ARID3B: variants seen among roughly 807,000 people sequenced by gnomAD.
The protein encoded by ARID3B is AT-rich interaction domain 3B, also known as AT-rich interactive domain-containing protein 3B.
A neutral mutation model predicts 51.9 loss-of-function variants in ARID3B; 10 were observed. The observed-to-expected ratio is 0.19, with a 90% CI of 0.12 to 0.33. The LOEUF (loss-of-function observed/expected upper bound fraction) is 0.33, where lower values mean the gene tolerates loss of function less well. Among genes scored for constraint, ARID3B ranks in the 10% least tolerant of loss-of-function variants. The pLI, the probability that ARID3B is intolerant of heterozygous loss-of-function variation, is 1.00. For missense variants in ARID3B, 483 were observed against 716.3 expected, an observed-to-expected ratio of 0.67 and a Z score of 3.72; for synonymous variants, 205 against 279.5, an observed-to-expected ratio of 0.73 and a Z score of 2.66.
chr15:74,571,821 T>G (rs1053081902), intron 2 of ARID3B, among the ~76,000 whole-genome samples: 1 of 152,076 alleles, frequency 6.6e-6, no homozygotes, highest in Non-Finnish European at 1.5e-5. Flanking sequence ...TTACTGGACT[T>G]GGCTGGGCGC....
chr15:74,572,965 G>T (rs202037846), intron 3 of ARID3B, 32 bp downstream of exon 3: 9 of 1,611,506 alleles, frequency 5.6e-6, no homozygotes, highest in East Asian at 4.5e-5. Flanking sequence ...ATACAGATAG[G>T]GGCAGTTCTG....
intron 2 of ARID3B, among the ~76,000 whole-genome samples, chr15:74,569,452 T>G (rs2061711732): frequency 6.6e-6 from 1 of 152,120 alleles, no homozygotes; most frequent in African/African-American, 2.4e-5. Flanking sequence ...CCGGGCGTAC[T>G]GGCATGTACC....
At chr15:74,570,692 T>C (rs947961490) in intron 2 of ARID3B, among the ~76,000 whole-genome samples, 2 of 152,132 alleles carry the variant, frequency 1.3e-5, no homozygotes, top group African/African-American at 4.8e-5. Flanking sequence ...CCAGCAGGAA[T>C]TACTGGCTCA....
intron 4 of ARID3B, among the ~76,000 whole-genome samples, chr15:74,588,552 C>G (rs996516269): frequency 6.6e-6 from 1 of 152,154 alleles, no homozygotes; most frequent in Non-Finnish European, 1.5e-5. Context: ...AGTTTGCCAT[C>G]AAAAGGCAAC....
At chr15:74,569,562 A>G (rs1289048384) in intron 2 of ARID3B, among the ~76,000 whole-genome samples, 1 of 152,172 alleles carries the variant, frequency 6.6e-6, no homozygotes, top group Non-Finnish European at 1.5e-5. Flanking sequence ...ACTCCAGCCT[A>G]CAAGAAAGAG....
chr15:74,549,907 C>G (rs1335986722), intron 2 of ARID3B, among the ~76,000 whole-genome samples: 3 of 152,182 alleles, frequency 2.0e-5, no homozygotes, highest in Non-Finnish European at 4.4e-5. Flanking sequence ...ACGCACTGGA[C>G]AGCCCCCCAA....
chr15:74,591,725 A>C lies in ARID3B; in HGVS notation c.1331A>C (p.Glu444Ala), dbSNP rs952769956. ...AEKKASRLSE[E>A]EQRLVQQAFQ... ...AAGAAGGCATCGAGGCTGTCTGAGG[A>C]GGAGCAGCGCCTGGTGCAGCAGGCC... is the stretch of plus-strand genomic sequence containing the variant. The change falls in exon 7 of 9, where the codon GAG (glutamate) becomes GCG (alanine). Residue 444 changes from glutamate to alanine, a missense_variant. Physicochemically the swap from Glu to Ala is moderately radical, Grantham distance 107. Transcript: ENST00000346246. The surrounding 1 kb of genome is among the most constrained non-coding windows in gnomAD (Gnocchi z 5.8). The C allele has an allele frequency of 6.2e-7, 1 of 1,614,154 alleles. No individual in the cohort carries two copies. The highest frequency in any genetic ancestry group is 8.5e-7 in the Non-Finnish European group (1 of 1,180,020).
chr15:74,550,008 G>A (rs992507871), intron 2 of ARID3B, among the ~76,000 whole-genome samples: 4 of 152,218 alleles, frequency 2.6e-5, no homozygotes, highest in East Asian at 3.8e-4. Flanking sequence ...CATAAGCTTC[G>A]CTATCATCAG....
chr15:74,546,291 C>CTGAGTTCCATACTCAGCTATGA (rs2061615402), intron 2 of ARID3B, among the ~76,000 whole-genome samples: 1 of 151,564 alleles, frequency 6.6e-6, no homozygotes, highest in South Asian at 2.1e-4. Context: ...CCATACCGGC[C>CTGAGTTCCATACTCAGCTATGA]GCTGAGTCAG....
At chr15:74,573,443 CTCT>C in intron 4 of ARID3B, 1 of 550,750 alleles carries the variant, frequency 1.8e-6, no homozygotes, top group South Asian at 2.1e-5. Flanking sequence ...CTGATTTTGT[CTCT>C]TCTTCCAATT....
intron 7 of ARID3B, 134 bp from the exon 8 acceptor site, chr15:74,593,004 A>G (rs2061809448): frequency 1.5e-6 from 1 of 671,830 alleles, no homozygotes; most frequent in Non-Finnish European, 2.5e-6. Context: ...CATACCCTAC[A>G]CTCAGGAGAA....
At chr15:74,581,544 C>G (rs1416032772) in intron 4 of ARID3B, among the ~76,000 whole-genome samples, 1 of 152,126 alleles carries the variant, frequency 6.6e-6, no homozygotes, top group East Asian at 1.9e-4. Context: ...GTCTAAAATG[C>G]AAATCTTTTA....
Position 74,595,760 on chromosome 15 carries a change from A to G in ARID3B, c.1669A>G (p.Ser557Gly), listed in dbSNP as rs760306171. 3 of 1,604,578 alleles carry G rather than the reference A, an allele frequency of 1.9e-6. No homozygotes were observed. The East Asian group carries it at 6.7e-5, about 36-fold the overall frequency. ...CACCCCCAGCGCAGAGCCCTCCACC[A>G]GCTGGTCCCTCTGATGGGCAGGACC... ...RGTPSAEPST[S>G]WSL Residue 557 changes from serine (S) to glycine (G), a missense_variant, in exon 9 of 9, where the codon AGC (serine) becomes GGC (glycine). By Grantham distance (56) the Ser-to-Gly change is moderately conservative. Transcript: ENST00000346246.
At chr15:74,593,318 C>T (rs997642265) in intron 8 of ARID3B, 82 bp downstream of exon 8, 4 of 1,315,812 alleles carry the variant, frequency 3.0e-6, no homozygotes, top group Non-Finnish European at 4.2e-6. Flanking sequence ...TGCCTCTTAC[C>T]CTCTGTCTGA....
chr15:74,586,753 G>A (rs2061783258), intron 4 of ARID3B, among the ~76,000 whole-genome samples: 1 of 152,220 alleles, frequency 6.6e-6, no homozygotes, highest in African/African-American at 2.4e-5. Context: ...GGTAGGCATG[G>A]TAAAGGAAAG....
intron 3 of ARID3B, 75 bp from the exon 4 acceptor site, chr15:74,573,057 T>C (rs1239184264): frequency 3.8e-6 from 6 of 1,589,170 alleles, no homozygotes; most frequent in Non-Finnish European, 4.3e-6. Context: ...CAGATGGTCA[T>C]AGTATATCTG....
intron 2 of ARID3B, among the ~76,000 whole-genome samples, chr15:74,562,578 C>T (rs192571614): frequency 6.6e-6 from 1 of 152,284 alleles, no homozygotes; most frequent in African/African-American, 2.4e-5. Flanking sequence ...CCTGGAACTC[C>T]CAGTCTCAAC....
chr15:74,545,177 A>G (rs765800612), intron 2 of ARID3B, among the ~76,000 whole-genome samples: 1 of 152,242 alleles, frequency 6.6e-6, no homozygotes. Context: ...GTTCTTGCCT[A>G]AGACAGTTTC....
chr15:74,557,233 G>C (rs2061661957), intron 2 of ARID3B, among the ~76,000 whole-genome samples: 1 of 151,288 alleles, frequency 6.6e-6, no homozygotes, highest in African/African-American at 2.4e-5. Context: ...TGAGCAACAT[G>C]ATGAAACCCT....
Sources: allele counts gnomAD v4.1 joint callset (sites outside exome capture counted in the v4.1 genomes callset), GRCh38; gene constraint gnomAD v4.1.1; non-coding constraint Gnocchi (gnomAD v3.1); transcripts MANE v1.5; gene names NCBI Gene and HGNC (gene_info 2026-07-23, HGNC 2026-07-21).